Variants in KIDINS220 observed in about 807,000 individuals in gnomAD.
KIDINS220 encodes kinase D-interacting substrate of 220 kDa.
A neutral mutation model predicts 157.6 loss-of-function variants in KIDINS220; 63 were observed. The observed-to-expected ratio is 0.40, with a 90% CI of 0.33 to 0.49. The LOEUF (loss-of-function observed/expected upper bound fraction) is 0.49. Ranked by LOEUF, KIDINS220 falls within the 20% of genes least tolerant of loss-of-function variation. KIDINS220 has a pLI of 0.66. For synonymous variants in KIDINS220, 732 were observed against 783.6 expected (o/e 0.93, Z 1.10); for missense variants, 1,772 against 2,171.2 (o/e 0.82, Z 3.65).
intron 26 of KIDINS220, among the ~76,000 whole-genome samples, chr2:8,741,178 G>T (rs1665571150): frequency 6.6e-6 from 1 of 152,160 alleles, no homozygotes; most frequent in South Asian, 2.1e-4. Context: ...TCACCTGATT[G>T]GAAAATATAA....
chr2:8,772,945 T>C (rs1237891833), intron 21 of KIDINS220, among the ~76,000 whole-genome samples: 3 of 152,134 alleles, frequency 2.0e-5, no homozygotes, highest in Non-Finnish European at 4.4e-5. Flanking sequence ...TCTTTTGCCT[T>C]CAAATTCTAT....
chr2:8,765,476 G>T (rs1260714375), intron 22 of KIDINS220, among the ~76,000 whole-genome samples: 2 of 151,960 alleles, frequency 1.3e-5, no homozygotes, highest in Non-Finnish European at 2.9e-5. Flanking sequence ...ACAAAAAGTT[G>T]GCTATAAATC....
intron 24 of KIDINS220, among the ~76,000 whole-genome samples, chr2:8,749,890 G>GA (rs929904507): frequency 7.5e-4 from 113 of 150,584 alleles, no homozygotes; most frequent in African/African-American, 2.3e-3. Context: ...CTAAATAAAA[G>GA]AAAAAAAAAT....
intron 11 of KIDINS220, 133 bp from the exon 12 acceptor site, chr2:8,794,120 T>TATGA: frequency 1.7e-6 from 1 of 595,572 alleles, no homozygotes; most frequent in Non-Finnish European, 2.7e-6. Flanking sequence ...ACATATATAA[T>TATGA]ATGAATTTTT....
rs149153158 is a variant in KIDINS220, at chr2:8,834,984, A to T, written c.-37+2496T>A. 3.3e-3 allele frequency among the ~76,000 whole-genome samples: 496 copies of T among 152,196 alleles called. 4 individuals are homozygous for T. Among genetic ancestry groups the T allele is most frequent in the African/African-American group, 0.011 (462 of 41,510 alleles). On this transcript the variant is annotated intron_variant, in intron 1 of 29. Coordinates refer to ENST00000256707, the MANE Select transcript of KIDINS220 (RefSeq NM_020738.4). Reference sequence around the variant, plus strand: ...ACCCTCCCTGAATAGCTGGGACTACAGGTGCATGCCAACACACCCAGATCA... The same window carrying T: ...ACCCTCCCTGAATAGCTGGGACTACTGGTGCATGCCAACACACCCAGATCA...
At chr2:8,800,052 C>T (rs751270246) in intron 9 of KIDINS220, among the ~76,000 whole-genome samples, 6 of 151,932 alleles carry the variant, frequency 3.9e-5, no homozygotes, top group Non-Finnish European at 8.8e-5. Flanking sequence ...GGAGAAAACA[C>T]TAAAAAAAAT....
chr2:8,730,462 G>T lies in KIDINS220; in HGVS notation c.*258C>A. The T allele has an allele frequency of 1.5e-6, 2 of 1,294,480 alleles. No individual in the cohort carries two copies. The highest frequency in any genetic ancestry group is 2.0e-6 in the Non-Finnish European group (2 of 1,025,464). The allele number at this position is 1,294,480 out of a possible 1,614,324, so 80.2% of individuals were successfully genotyped here. A position where few individuals can be genotyped will look rare whatever the true frequency, so the allele number is the denominator to read the frequency against. ...ACCTCGTCTCAAAAAGTTTTATGGGGTAATGCGCCAATGAAAGGTACAGTA... is the reference window on the plus strand; with the variant it reads ...ACCTCGTCTCAAAAAGTTTTATGGGTTAATGCGCCAATGAAAGGTACAGTA... On this transcript the variant is annotated 3_prime_UTR_variant, in exon 30 of 30. Coordinates refer to ENST00000256707, the MANE Select transcript of KIDINS220 (RefSeq NM_020738.4).
chr2:8,785,704 G>C, intron 17 of KIDINS220, 37 bp downstream of exon 17: 1 of 1,551,350 alleles, frequency 6.4e-7, no homozygotes, highest in Non-Finnish European at 8.7e-7. Flanking sequence ...CAACATATTC[G>C]CATTACAATT....
At chr2:8,722,926 A>C (rs963352736), downstream of KIDINS220, 5 of 152,244 alleles carry the variant, frequency 3.3e-5, no homozygotes, top group African/African-American at 9.6e-5. Context: ...TGGCTTACTG[A>C]AAACCACACT....
chr2:8,730,135 G>A lies in KIDINS220; in HGVS notation c.*585C>T, dbSNP rs1663833404. On this transcript the variant is annotated 3_prime_UTR_variant, in exon 30 of 30. Transcript: ENST00000256707. ...CCAGCCCTGGTGACTCACTTTGTTG[G>A]CAATTTTTAAAGCCCTCTTCATTAT... 2.0e-6 allele frequency: 2 copies of A among 985,694 alleles called. No homozygotes were observed. The highest frequency in any genetic ancestry group is 9.4e-5 in the South Asian group (2 of 21,298). 61.1% of individuals were successfully genotyped at this position (985,694 alleles called of 1,614,324 possible).
At chr2:8,817,540 AAAAAT>A in intron 4 of KIDINS220, 73 bp downstream of exon 4, 1 of 833,716 alleles carries the variant, frequency 1.2e-6, no homozygotes, top group Non-Finnish European at 1.8e-6. Context: ...TTTCACACAT[AAAAAT>A]AAAATATTTC....
chr2:8,741,698 A>G (rs1225562202), intron 26 of KIDINS220, among the ~76,000 whole-genome samples: 2 of 152,254 alleles, frequency 1.3e-5, no homozygotes, highest in Non-Finnish European at 2.9e-5. Context: ...ACATTACTGT[A>G]ATATTATTTC....
chr2:8,790,021 G>A lies in KIDINS220; in HGVS notation c.1480C>T (p.Leu494Phe), dbSNP rs1322520324. The A allele has an allele frequency of 6.2e-7, 1 of 1,608,234 alleles. No individual in the cohort carries two copies. The highest frequency in any genetic ancestry group is 1.1e-5 in the South Asian group (1 of 89,202). Residue 494 changes from leucine to phenylalanine, a missense_variant, in exon 14 of 30, where the codon CTC becomes TTC. Physicochemically the swap from Leu to Phe is conservative, Grantham distance 22. Coordinates refer to ENST00000256707, the MANE Select transcript of KIDINS220 (RefSeq NM_020738.4). ...KTFAGQQIEP[L>F]FQFSWLIVFL... ...ACTATGAGCCATGAGAACTGAAAGA[G>A]AGGCTCAATCTGTTGTCCGGCGAAG...
chr2:8,758,186 G>GT (rs1384801546), intron 22 of KIDINS220, among the ~76,000 whole-genome samples: 3 of 152,118 alleles, frequency 2.0e-5, no homozygotes, highest in African/African-American at 7.2e-5. Context: ...ATAAGTTGCC[G>GT]TCTCAACATT....
At chr2:8,781,150 TATA>T (rs1267680964) in intron 17 of KIDINS220, among the ~76,000 whole-genome samples, 7 of 808 alleles carry the variant, frequency 8.7e-3, no homozygotes, top group Middle Eastern at 0.5. Flanking sequence ...ATTATATATA[TATA>T]ATATATATAT....
chr2:8,749,324 A>C (rs1391663774), intron 24 of KIDINS220: 5 of 440,658 alleles, frequency 1.1e-5, no homozygotes, highest in Non-Finnish European at 2.3e-5. Flanking sequence ...TGTTTTCTCG[A>C]ATTAGACTAA....
intron 26 of KIDINS220, among the ~76,000 whole-genome samples, chr2:8,737,762 T>C (rs1665085334): frequency 6.6e-6 from 1 of 152,232 alleles, no homozygotes; most frequent in Non-Finnish European, 1.5e-5. Context: ...CCAGCACAGA[T>C]GTGCTCATTG....
chr2:8,729,495 C>T lies in KIDINS220; in HGVS notation c.*1225G>A, dbSNP rs1185192886. ...CATTGCATGATGACAGGGTACATTTCTAGTCCACACAGTACTTCAATGTGA... is the reference window on the plus strand; with the variant it reads ...CATTGCATGATGACAGGGTACATTTTTAGTCCACACAGTACTTCAATGTGA... On this transcript the variant is annotated 3_prime_UTR_variant, in exon 30 of 30. Coordinates refer to ENST00000256707, the MANE Select transcript of KIDINS220 (RefSeq NM_020738.4). 1.0e-6 allele frequency: 1 copy of T among 985,050 alleles called. No individual in the cohort carries two copies. The highest frequency in any genetic ancestry group is 1.7e-5 in the African/African-American group (1 of 57,236). 61.0% of individuals were successfully genotyped at this position (985,050 alleles called of 1,614,324 possible).
At chr2:8,751,776 G>A in intron 22 of KIDINS220, 132 bp from the exon 23 acceptor site, 3 of 637,774 alleles carry the variant, frequency 4.7e-6, no homozygotes, top group Non-Finnish European at 8.0e-6. Context: ...TTACACATCG[G>A]CTCACTGCAA....
Sources: allele counts gnomAD v4.1 joint callset (sites outside exome capture counted in the v4.1 genomes callset), GRCh38; gene constraint gnomAD v4.1.1; transcripts MANE v1.5; gene names NCBI Gene and HGNC (gene_info 2026-07-23, HGNC 2026-07-21).